The following IL6ST variants were observed in gnomAD, a reference collection of about 807,000 sequenced individuals.
The protein encoded by IL6ST is interleukin-6 receptor subunit beta.
A neutral mutation model predicts 91.3 loss-of-function variants in IL6ST; 24 were observed. The observed-to-expected ratio is 0.26, with a 90% CI of 0.19 to 0.37. IL6ST has a LOEUF of 0.37. IL6ST is among the 10% of genes least tolerant of loss of function. The pLI is 1.00. For missense variants in IL6ST, 914 were observed against 1,078.5 expected, an observed-to-expected ratio of 0.85 and a Z score of 2.14; for synonymous variants, 351 against 373.6, an observed-to-expected ratio of 0.94 and a Z score of 0.70.
chr5:55,940,477 A>G lies in IL6ST; in HGVS notation c.*605T>C, dbSNP rs1406285204. The G allele has an allele frequency of 4.7e-6, 1 of 212,496 alleles. No homozygotes were observed. Among genetic ancestry groups the G allele is most frequent in the Non-Finnish European group, 9.5e-6 (1 of 104,862 alleles). The allele number at this position is 212,496 out of a possible 1,614,324, so 13.2% of individuals were successfully genotyped here. A position where few individuals can be genotyped will look rare whatever the true frequency, so the allele number is the denominator to read the frequency against. The stretch of plus-strand genomic sequence containing the variant: ...TAAAGCTCTAGAATTCCTTTTCTCC[A>G]GTAATAACTCGCAGCATCACTACCA... On this transcript the variant is annotated 3_prime_UTR_variant, in exon 17 of 17. Coordinates refer to ENST00000381298, the MANE Select transcript of IL6ST (RefSeq NM_002184.4).
Position 55,976,827 on chromosome 5 carries a change from C to T in IL6ST, c.-15-534G>A, listed in dbSNP as rs1753318792. Among the ~76,000 whole-genome samples, 5 of 152,274 alleles carry T rather than the reference C, an allele frequency of 3.3e-5. No homozygotes were observed. The South Asian group carries it at 1.0e-3, about 32-fold the overall frequency. The stretch of plus-strand genomic sequence containing the variant: ...GCATGTGAAAAGATACTTTCAACCT[C>T]ACTCAAAATGAGAGATATAAATTAG... On this transcript the variant is annotated intron_variant, in intron 2 of 16. Transcript: ENST00000381298.
chr5:55,967,115 G>A lies in IL6ST; in HGVS notation c.491+1161C>T, dbSNP rs142141138. On this transcript the variant is annotated intron_variant, in intron 5 of 16. Transcript: ENST00000381298. ...TCACGAGGTCAGGAGTTCAAGACCA[G>A]CCTGACCAACATGGTGAAACCCTCT... 3.0e-3 allele frequency among the ~76,000 whole-genome samples: 462 copies of A among 151,796 alleles called. 2 individuals carry two copies. Among genetic ancestry groups the A allele is most frequent in the African/African-American group, 0.011 (441 of 41,414 alleles).
rs1234206151 is a variant in IL6ST, at chr5:55,941,780, T to A, written c.2059A>T (p.Asn687Tyr). The change falls in exon 17 of 17, where the codon AAT (asparagine) becomes TAT (tyrosine). Residue 687 changes from asparagine to tyrosine, a missense_variant. Physicochemically the swap from Asn to Tyr is moderately radical, Grantham distance 143. Coordinates refer to ENST00000381298, the MANE Select transcript of IL6ST (RefSeq NM_002184.4). ...NSKDQMYSDG[N>Y]FTDVSVVEIE... ...TCCACAACACTTACATCAGTGAAAT[T>A]GCCATCTGAATACATTTGATCTTTT... 1.2e-6 allele frequency: 2 copies of A among 1,613,258 alleles called. No homozygotes were observed. Among genetic ancestry groups the A allele is most frequent in the African/African-American group, 2.7e-5 (2 of 74,862 alleles).
chr5:55,948,572 TTATGTGTGTATATATTGATA>T (rs935622508), intron 14 of IL6ST, among the ~76,000 whole-genome samples: 1 of 151,848 alleles, frequency 6.6e-6, no homozygotes, highest in East Asian at 1.9e-4. Context: ...GTATATATAT[TTATGTGTGTATATATTGATA>T]TATGTGTGTA....
chr5:55,976,495 A>C (rs1417879824), intron 2 of IL6ST, among the ~76,000 whole-genome samples: 2 of 152,230 alleles, frequency 1.3e-5, no homozygotes, highest in African/African-American at 4.8e-5. Context: ...GCTAGAAAAC[A>C]TAATTTATAC....
intron 7 of IL6ST, among the ~76,000 whole-genome samples, chr5:55,961,802 A>G (rs1259970416): frequency 2.0e-5 from 3 of 151,798 alleles, no homozygotes; most frequent in African/African-American, 7.3e-5. Flanking sequence ...GGAAGCAGGG[A>G]AAATCAACAT....
At chr5:55,942,454 T>C (rs973545787) in intron 16 of IL6ST, among the ~76,000 whole-genome samples, 2 of 152,322 alleles carry the variant, frequency 1.3e-5, no homozygotes, top group Admixed American at 1.3e-4. Flanking sequence ...TATACTATGA[T>C]GGTGATAAAA....
chr5:55,980,608 C>A (rs1199955067), intron 2 of IL6ST, among the ~76,000 whole-genome samples: 3 of 152,054 alleles, frequency 2.0e-5, no homozygotes, highest in African/African-American at 7.2e-5. Context: ...CTATGCTCAC[C>A]AACTGGGTGA....
At chr5:55,979,388 G>A (rs1206983154) in intron 2 of IL6ST, among the ~76,000 whole-genome samples, 1 of 152,224 alleles carries the variant, frequency 6.6e-6, no homozygotes, top group Non-Finnish European at 1.5e-5. Flanking sequence ...TCTGGGTGCT[G>A]AGCATGTTCT....
At position 55,957,200 on chromosome 5, in the gene IL6ST, A is replaced by T; in HGVS notation, c.1056+9T>A. On this transcript the variant is annotated intron_variant, in intron 9 of 16. Coordinates refer to ENST00000381298, the MANE Select transcript of IL6ST (RefSeq NM_002184.4). The stretch of plus-strand genomic sequence containing the variant: ...TTATAAGAGATAAAATATAAATGTG[A>T]TTTTTTACCTTCCACACGAGTTGTA... 1.5e-6 allele frequency: 2 copies of T among 1,352,548 alleles called. No homozygotes were observed. The highest frequency in any genetic ancestry group is 2.0e-6 in the Non-Finnish European group (2 of 978,004). The allele number at this position is 1,352,548 out of a possible 1,614,324, so 83.8% of individuals were successfully genotyped here.
chr5:55,988,532 C>G (rs561726668), intron 1 of IL6ST, among the ~76,000 whole-genome samples: 2 of 151,956 alleles, frequency 1.3e-5, no homozygotes, highest in African/African-American at 4.8e-5. Flanking sequence ...TTTGGGAGGC[C>G]GAGATAGGCA....
chr5:55,975,335 C>T (rs1050855802), intron 3 of IL6ST, among the ~76,000 whole-genome samples: 3 of 152,124 alleles, frequency 2.0e-5, no homozygotes, highest in African/African-American at 7.2e-5. Flanking sequence ...CTCTCTCTTC[C>T]TCCTGTTCTC....
At chr5:55,956,324 A>G (rs1751971670) in intron 9 of IL6ST, 89 bp from the exon 10 acceptor site, 1 of 715,724 alleles carries the variant, frequency 1.4e-6, no homozygotes, top group Admixed American at 2.7e-5. Context: ...TCATGCCATT[A>G]TGTCAAATCT....
chr5:55,951,360 T>C, intron 14 of IL6ST, 104 bp downstream of exon 14: 1 of 858,676 alleles, frequency 1.2e-6, no homozygotes, highest in South Asian at 1.7e-5. Context: ...AAAATCATCA[T>C]GAATCCAAAG....
At chr5:55,975,837 G>A (rs143483934) in intron 3 of IL6ST, among the ~76,000 whole-genome samples, 6 of 151,750 alleles carry the variant, frequency 4.0e-5, no homozygotes, top group Non-Finnish European at 8.8e-5. Flanking sequence ...TACCTGAAGA[G>A]CATGTAGTAT....
At chr5:55,955,438 CTG>C (rs1294065873) in intron 10 of IL6ST, among the ~76,000 whole-genome samples, 2 of 152,030 alleles carry the variant, frequency 1.3e-5, no homozygotes, top group African/African-American at 4.8e-5. Flanking sequence ...CAGAGCAAGA[CTG>C]TCTCAAAAAG....
chr5:55,969,927 C>T, intron 3 of IL6ST, 72 bp from the exon 4 acceptor site: 1 of 985,224 alleles, frequency 1.0e-6, no homozygotes. Flanking sequence ...TAGCTGGTAG[C>T]ACTCAATGTA....
At chr5:55,971,431 G>A (rs1322247585) in intron 3 of IL6ST, among the ~76,000 whole-genome samples, 1 of 152,024 alleles carries the variant, frequency 6.6e-6, no homozygotes, top group Non-Finnish European at 1.5e-5. Flanking sequence ...AAATAATTAG[G>A]ACATTTGTCT....
At chr5:55,982,148 A>C (rs1753710434) in intron 2 of IL6ST, among the ~76,000 whole-genome samples, 1 of 152,180 alleles carries the variant, frequency 6.6e-6, no homozygotes, top group Admixed American at 6.5e-5. Context: ...TAAATATTTA[A>C]TGGTTAGGCT....
Sources: gnomAD v4.1 joint callset for allele counts (sites outside exome capture counted in the v4.1 genomes callset) on GRCh38, gnomAD v4.1.1 for gene constraint, MANE v1.5 for transcripts, NCBI Gene and HGNC (gene_info 2026-07-23, HGNC 2026-07-21) for gene names.